Variants in SPATA6L observed in about 807,000 individuals in gnomAD.
SPATA6L encodes the protein spermatogenesis associated 6 like.
Under a neutral mutation model 49.2 loss-of-function variants are expected in SPATA6L, and 68 were observed. That is an observed-to-expected ratio of 1.38 (90% CI 1.14 to 1.69). The LOEUF (loss-of-function observed/expected upper bound fraction) is 1.69. SPATA6L is among the 40% of genes most tolerant of loss of function. The pLI, the probability that SPATA6L is intolerant of heterozygous loss-of-function variation, is 0.00. For synonymous variants in SPATA6L, 198 were observed against 165.7 expected (o/e 1.19, Z -1.50); for missense variants, 668 against 464.3 (o/e 1.44, Z -4.03).
At chr9:4,622,320 A>G (rs1253814103) in intron 7 of SPATA6L, 88 bp downstream of exon 7, 1 of 807,118 alleles carries the variant, frequency 1.2e-6, no homozygotes, top group African/African-American at 1.7e-5. Context: ...TCTGAACATC[A>G]CCTGTGATTC....
intron 2 of SPATA6L, among the ~76,000 whole-genome samples, chr9:4,658,647 T>C (rs568683127): frequency 8.5e-5 from 13 of 152,310 alleles, no homozygotes; most frequent in Non-Finnish European, 1.5e-4. Flanking sequence ...AGTTATCTAG[T>C]TGTGTGCTTC....
intron 9 of SPATA6L, 112 bp downstream of exon 9, chr9:4,617,811 G>A (rs1172011652): frequency 3.1e-5 from 25 of 818,794 alleles, no homozygotes; most frequent in Non-Finnish European, 4.6e-5. Context: ...TTCATATCAA[G>A]GTGTCACCAG....
chr9:4,652,084 A>G (rs1837015233), intron 3 of SPATA6L, among the ~76,000 whole-genome samples: 1 of 152,238 alleles, frequency 6.6e-6, no homozygotes, highest in Admixed American at 6.5e-5. Flanking sequence ...TAAAACTAAT[A>G]AACAAGTTCA....
chr9:4,592,771 C>G (rs777161225), intron 13 of SPATA6L, among the ~76,000 whole-genome samples: 1 of 152,148 alleles, frequency 6.6e-6, no homozygotes, highest in African/African-American at 2.4e-5. Flanking sequence ...GTGTTCTTAT[C>G]ATATCCCCCA....
At chr9:4,627,689 G>A (rs1036017286) in intron 5 of SPATA6L, 12 of 1,260,382 alleles carry the variant, frequency 9.5e-6, no homozygotes, top group Non-Finnish European at 1.1e-5. Context: ...GCAGACACTA[G>A]GACTGAAGAA....
Position 4,662,285 on chromosome 9 carries a change from C to CG in SPATA6L, c.40-250dup. 1 of 1,434,650 alleles carries CG rather than the reference C, an allele frequency of 7.0e-7. No individual in the cohort carries two copies. The highest frequency in any genetic ancestry group is 1.4e-5 in the African/African-American group (1 of 69,612). 88.9% of individuals were successfully genotyped at this position (1,434,650 alleles called of 1,614,324 possible). On this transcript the variant is annotated intron_variant, in intron 1 of 11. Transcript: ENST00000682582. This position sits in a 1 kb window ranked among gnomAD's most constrained non-coding sequence, Gnocchi z 4.9. ...TCGCCGGCTCCTCTCCCCGCCCCTC[C>CG]GGGATGGTAGTGCGGAAGCGGAAGA... is the stretch of plus-strand genomic sequence containing the variant.
rs765592438 is a variant in SPATA6L, at chr9:4,663,197, C to T, written c.40-1161G>A. On this transcript the variant is annotated intron_variant, in intron 1 of 11. Coordinates refer to ENST00000682582, the MANE Select transcript of SPATA6L (RefSeq NM_001353486.2). Reference sequence around the variant, plus strand: ...TTCTGGGCTACATGCAGTACAGCATCGTGGACTATTGCTGGCTCTCACCCC... The same window carrying T: ...TTCTGGGCTACATGCAGTACAGCATTGTGGACTATTGCTGGCTCTCACCCC... 9.3e-6 allele frequency: 15 copies of T among 1,614,140 alleles called. No individual in the cohort carries two copies. The South Asian group carries it at 1.6e-4, about 18-fold the overall frequency.
chr9:4,645,172 C>G (rs1835081262), intron 3 of SPATA6L, among the ~76,000 whole-genome samples: 1 of 152,140 alleles, frequency 6.6e-6, no homozygotes, highest in African/African-American at 2.4e-5. Flanking sequence ...AATAGTTTGG[C>G]AGTTCCTCAC....
chr9:4,608,831 C>G (rs1825959356), intron 9 of SPATA6L, among the ~76,000 whole-genome samples: 3 of 151,986 alleles, frequency 2.0e-5, no homozygotes, highest in Non-Finnish European at 1.5e-5. Context: ...CACAAAAAAC[C>G]CTTCAAAAAA....
chr9:4,595,489 C>A (rs940957565), downstream of SPATA6L, among the ~76,000 whole-genome samples: 5 of 152,194 alleles, frequency 3.3e-5, no homozygotes, highest in Non-Finnish European at 7.3e-5. Flanking sequence ...AAAACTCTAA[C>A]GGCTTCTTAT....
At chr9:4,610,835 G>T (rs958659537) in intron 9 of SPATA6L, among the ~76,000 whole-genome samples, 2 of 151,972 alleles carry the variant, frequency 1.3e-5, no homozygotes, top group Admixed American at 1.3e-4. Context: ...CACAGCAAAA[G>T]AAACTACCAT....
intron 6 of SPATA6L, among the ~76,000 whole-genome samples, chr9:4,623,189 AG>A (rs1197061536): frequency 6.6e-6 from 1 of 152,224 alleles, no homozygotes; most frequent in Admixed American, 6.5e-5. Context: ...CTGAGGCAGG[AG>A]AATCGCTTGA....
intron 7 of SPATA6L, among the ~76,000 whole-genome samples, chr9:4,620,182 C>T (rs148227274): frequency 3.2e-4 from 49 of 152,308 alleles, no homozygotes; most frequent in African/African-American, 1.2e-3. Context: ...GCTATAGCCA[C>T]AAACCTGCCC....
rs57866827 is a variant in SPATA6L, at chr9:4,650,190, C to T, written c.226+5851G>A. On this transcript the variant is annotated intron_variant, in intron 3 of 11. Coordinates refer to ENST00000682582, the MANE Select transcript of SPATA6L (RefSeq NM_001353486.2). Reference sequence around the variant, plus strand: ...CAAACTCTTCAATCTACCTGGTATGCCAGCCTGAGACCTAGCCTGCTCCCA... The same window carrying T: ...CAAACTCTTCAATCTACCTGGTATGTCAGCCTGAGACCTAGCCTGCTCCCA... Among the ~76,000 whole-genome samples, 1,261 of 152,264 alleles carry T rather than the reference C, an allele frequency of 8.3e-3. 12 individuals carry two copies. Among genetic ancestry groups the T allele is most frequent in the African/African-American group, 0.028 (1,180 of 41,542 alleles).
At chr9:4,596,259 A>G (rs535537196), downstream of SPATA6L, among the ~76,000 whole-genome samples, 1 of 152,304 alleles carries the variant, frequency 6.6e-6, no homozygotes, top group African/African-American at 2.4e-5. Context: ...AAGGAGTTTA[A>G]CAAATACAAG....
chr9:4,644,683 TCTCACACA>T (rs1402629191), intron 3 of SPATA6L, among the ~76,000 whole-genome samples: 6,581 of 135,752 alleles, frequency 0.048, 138 homozygotes, highest in Middle Eastern at 0.1. Flanking sequence ...TCTCTCTCTC[TCTCACACA>T]CACACACACA....
chr9:4,629,378 T>C (rs769667056), intron 4 of SPATA6L, among the ~76,000 whole-genome samples: 2 of 152,082 alleles, frequency 1.3e-5, no homozygotes, highest in Non-Finnish European at 2.9e-5. Context: ...TTCATATATA[T>C]TAACTCATCT....
At chr9:4,641,417 A>G (rs1834010464) in intron 3 of SPATA6L, among the ~76,000 whole-genome samples, 1 of 152,160 alleles carries the variant, frequency 6.6e-6, no homozygotes, top group African/African-American at 2.4e-5. Flanking sequence ...AAAATAAGAA[A>G]TAAAATGGTG....
chr9:4,652,527 T>C (rs2130733052), intron 3 of SPATA6L, among the ~76,000 whole-genome samples: 1 of 152,254 alleles, frequency 6.6e-6, no homozygotes, highest in East Asian at 1.9e-4. Flanking sequence ...GCAACACTTG[T>C]AAACTGAAAA....
Sources: allele counts gnomAD v4.1 joint callset (sites outside exome capture counted in the v4.1 genomes callset), GRCh38; gene constraint gnomAD v4.1.1; non-coding constraint Gnocchi (gnomAD v3.1); transcripts MANE v1.5; gene names NCBI Gene and HGNC (gene_info 2026-07-23, HGNC 2026-07-21).